RGS6: variants seen among roughly 807,000 people sequenced by gnomAD.
RGS6 encodes regulator of G-protein signaling 6.
RGS6 carries 30 observed loss-of-function variants against 78.5 expected under a neutral mutation model. The ratio of observed to expected loss-of-function variants is 0.38; its 90% CI spans 0.29 to 0.52. RGS6 has a LOEUF of 0.52. RGS6 is among the 20% of genes least tolerant of loss of function. The probability of loss-of-function intolerance (pLI) is 0.85; values close to 1 mark genes in which losing one functional copy is unlikely to be tolerated. For missense variants in RGS6, 495 were observed against 609.7 expected (o/e 0.81, Z 1.98); for synonymous variants, 206 against 206.0 (o/e 1.00, Z 0.00).
intron 2 of RGS6, among the ~76,000 whole-genome samples, chr14:72,261,023 T>G (rs947612159): frequency 2.0e-5 from 3 of 152,022 alleles, no homozygotes; most frequent in Non-Finnish European, 4.4e-5. Flanking sequence ...AACCCTGACA[T>G]GTATGTTGAA....
intron 1 of RGS6, among the ~76,000 whole-genome samples, chr14:71,948,242 G>A (rs571110141): frequency 3.9e-5 from 6 of 152,200 alleles, no homozygotes; most frequent in African/African-American, 9.6e-5. Flanking sequence ...TTCTTCCAGC[G>A]TCCTTATCTC....
At chr14:72,134,993 T>G (rs181354363) in intron 2 of RGS6, among the ~76,000 whole-genome samples, 70 of 152,336 alleles carry the variant, frequency 4.6e-4, no homozygotes, top group Middle Eastern at 3.4e-3. Flanking sequence ...GAATACACCC[T>G]GAAAGACTCA....
At chr14:72,208,382 T>C (rs1252160972) in intron 2 of RGS6, among the ~76,000 whole-genome samples, 1 of 152,206 alleles carries the variant, frequency 6.6e-6, no homozygotes, top group Admixed American at 6.5e-5. Flanking sequence ...GACCAGCTCT[T>C]CCTCCAATTC....
At chr14:72,394,410 A>G (rs2090699602) in intron 3 of RGS6, among the ~76,000 whole-genome samples, 1 of 152,186 alleles carries the variant, frequency 6.6e-6, no homozygotes, top group Non-Finnish European at 1.5e-5. Flanking sequence ...CGAAATTAAA[A>G]TTGCTAATGA....
intron 2 of RGS6, among the ~76,000 whole-genome samples, chr14:72,062,792 G>C (rs571897096): frequency 6.6e-6 from 1 of 152,266 alleles, no homozygotes; most frequent in South Asian, 2.1e-4. Context: ...CAATGGATAG[G>C]TGGATTTGAA....
the RGS6 span, among the ~76,000 whole-genome samples, chr14:72,605,423 G>A: frequency 6.6e-6 from 1 of 152,190 alleles, no homozygotes; most frequent in African/African-American, 2.4e-5. Context: ...ACTTTAATGA[G>A]GCTCACAGCT....
intron 2 of RGS6, among the ~76,000 whole-genome samples, chr14:72,012,133 A>AC (rs2085885226): frequency 6.6e-6 from 1 of 152,188 alleles, no homozygotes; most frequent in African/African-American, 2.4e-5. Flanking sequence ...ATTATTTTGG[A>AC]TATAAGTGAT....
At chr14:72,031,076 G>A (rs1033431806) in intron 2 of RGS6, among the ~76,000 whole-genome samples, 5 of 151,382 alleles carry the variant, frequency 3.3e-5, no homozygotes, top group Admixed American at 1.3e-4. Context: ...AATATATACT[G>A]AATAGATTCA....
At chr14:72,024,234 A>G (rs1028677498) in intron 2 of RGS6, among the ~76,000 whole-genome samples, 3 of 152,176 alleles carry the variant, frequency 2.0e-5, no homozygotes, top group Non-Finnish European at 4.4e-5. Flanking sequence ...GTGAACACAG[A>G]AGGCTTGGGG....
intron 3 of RGS6, among the ~76,000 whole-genome samples, chr14:72,415,087 G>A (rs1008636314): frequency 1.3e-5 from 2 of 152,256 alleles, no homozygotes; most frequent in Non-Finnish European, 2.9e-5. Flanking sequence ...GGACATTTAA[G>A]TCTGCAGAGG....
At chr14:72,402,020 G>C (rs2153002786) in intron 3 of RGS6, among the ~76,000 whole-genome samples, 1 of 152,336 alleles carries the variant, frequency 6.6e-6, no homozygotes, top group Non-Finnish European at 1.5e-5. Context: ...GTAATCTGGG[G>C]GGAAGGAACC....
intron 2 of RGS6, among the ~76,000 whole-genome samples, chr14:72,270,660 G>T (rs961218345): frequency 6.6e-6 from 1 of 152,252 alleles, no homozygotes; most frequent in African/African-American, 2.4e-5. Flanking sequence ...TGGACTTCCA[G>T]TGCTGCCTGT....
At chr14:72,315,763 C>T (rs1205218288) in intron 2 of RGS6, among the ~76,000 whole-genome samples, 1 of 152,124 alleles carries the variant, frequency 6.6e-6, no homozygotes, top group African/African-American at 2.4e-5. Context: ...GAGCCAAGAC[C>T]CTTAGAGGTT....
At chr14:72,315,623 T>C (rs2069932336) in intron 2 of RGS6, among the ~76,000 whole-genome samples, 1 of 152,254 alleles carries the variant, frequency 6.6e-6, no homozygotes, top group Non-Finnish European at 1.5e-5. Context: ...TGGAATGTTA[T>C]TGAACCTACC....
At position 72,005,184 on chromosome 14, in the gene RGS6, G is replaced by A. The variant is rs138050216; in HGVS notation, c.84+40309G>A. Among the ~76,000 whole-genome samples the A allele has an allele frequency of 1.8e-4, 27 of 152,236 alleles. No homozygotes were observed. The East Asian group carries it at 5.2e-3, about 29-fold the overall frequency. On this transcript the variant is annotated intron_variant, in intron 2 of 17. Transcript: ENST00000553525. ...AGAGAAGCCATTAATAAAATAGTGT[G>A]AGCCTATTTTTGCATTAAAACATTT...
At chr14:72,300,270 T>G (rs2152398968) in intron 2 of RGS6, among the ~76,000 whole-genome samples, 1 of 152,244 alleles carries the variant, frequency 6.6e-6, no homozygotes, top group South Asian at 2.1e-4. Context: ...CTGGAATAGG[T>G]TACACTATAC....
At chr14:72,310,203 C>T (rs2068236211) in intron 2 of RGS6, among the ~76,000 whole-genome samples, 1 of 152,184 alleles carries the variant, frequency 6.6e-6, no homozygotes, top group Non-Finnish European at 1.5e-5. Context: ...GACTGCTGCT[C>T]CAAGGCCGCC....
intron 2 of RGS6, among the ~76,000 whole-genome samples, chr14:72,019,361 A>G (rs1416477374): frequency 6.6e-6 from 1 of 152,228 alleles, no homozygotes; most frequent in Non-Finnish European, 1.5e-5. Context: ...TCACCTGGTA[A>G]TTCTAAGATA....
intron 2 of RGS6, among the ~76,000 whole-genome samples, chr14:72,240,741 T>A (rs1272785686): frequency 6.6e-6 from 1 of 152,224 alleles, no homozygotes; most frequent in Non-Finnish European, 1.5e-5. Flanking sequence ...TCATTTTCTC[T>A]CCTTACTGAA....
Sources: gnomAD v4.1 joint callset for allele counts (sites outside exome capture counted in the v4.1 genomes callset) on GRCh38, gnomAD v4.1.1 for gene constraint, MANE v1.5 for transcripts, NCBI Gene and HGNC (gene_info 2026-07-23, HGNC 2026-07-21) for gene names.